ASAP1: variants seen among roughly 807,000 people sequenced by gnomAD.
The protein encoded by ASAP1 is arf-GAP with SH3 domain, ANK repeat and PH domain-containing protein 1.
A neutral mutation model predicts 145.2 loss-of-function variants in ASAP1; 43 were observed. The ratio of observed to expected loss-of-function variants is 0.30; its 90% CI spans 0.23 to 0.38. ASAP1 has a LOEUF of 0.38. ASAP1 is among the 10% of genes least tolerant of loss of function. The pLI is 1.00. For synonymous variants in ASAP1, 546 were observed against 515.5 expected (o/e 1.06, Z -0.80); for missense variants, 1,018 against 1,355.3 (o/e 0.75, Z 3.91).
intron 3 of ASAP1, among the ~76,000 whole-genome samples, chr8:130,337,686 C>T (rs1216191235): frequency 1.4e-4 from 21 of 152,144 alleles, no homozygotes; most frequent in Admixed American, 1.4e-3. Context: ...TTCTCAAAGA[C>T]CTTCTGTAAT....
At chr8:130,387,658 G>GAAA (rs35915232) in intron 2 of ASAP1, among the ~76,000 whole-genome samples, 18 of 107,550 alleles carry the variant, frequency 1.7e-4, no homozygotes, top group South Asian at 2.6e-4. Flanking sequence ...CTCCATCTCA[G>GAAA]AAAAAAAAAA....
At chr8:130,341,024 T>C in intron 3 of ASAP1, 1 of 408,764 alleles carries the variant, frequency 2.4e-6, no homozygotes, top group Non-Finnish European at 4.8e-6. Context: ...TTTTAGAGTG[T>C]TTTTTAACCG....
intron 2 of ASAP1, among the ~76,000 whole-genome samples, chr8:130,364,065 T>C (rs1826837602): frequency 6.6e-6 from 1 of 151,752 alleles, no homozygotes; most frequent in South Asian, 2.1e-4. Flanking sequence ...ATAATAATAA[T>C]TAAAAAAAGC....
At chr8:130,156,847 G>T (rs1470891446) in intron 12 of ASAP1, among the ~76,000 whole-genome samples, 1 of 152,162 alleles carries the variant, frequency 6.6e-6, no homozygotes, top group Non-Finnish European at 1.5e-5. Flanking sequence ...ACACTTTAGG[G>T]TTTGAACTAT....
In ASAP1 at chr8:130,106,556, C is replaced by CTATCACACCTGTGG. The variant is rs1554823713; in HGVS notation, c.2401+5524_2401+5537dup. ...ATTTATTAGATTTTCAGCAAGTCAACTATCACACCTGTGGACATCTGGTTT... is the reference window on the plus strand; with the variant it reads ...ATTTATTAGATTTTCAGCAAGTCAACTATCACACCTGTGGTATCACACCTGTGGACATCTGGTTT... On this transcript the variant is annotated intron_variant, in intron 24 of 29. Coordinates refer to ENST00000518721, the MANE Select transcript of ASAP1 (RefSeq NM_018482.4). Among the ~76,000 whole-genome samples the CTATCACACCTGTGG allele has an allele frequency of 2.0e-5, 3 of 152,372 alleles. No individual in the cohort carries two copies. In the East Asian group the frequency reaches 5.8e-4, roughly 29 times the overall value.
chr8:130,154,957 C>T (rs1044518310), intron 12 of ASAP1, among the ~76,000 whole-genome samples: 7 of 152,170 alleles, frequency 4.6e-5, no homozygotes, highest in South Asian at 2.1e-4. Flanking sequence ...ATTTGGTTAA[C>T]GTGACTAACT....
chr8:130,061,128 T>A, intron 27 of ASAP1, 59 bp from the exon 28 acceptor site: 2 of 1,514,682 alleles, frequency 1.3e-6, no homozygotes, highest in Admixed American at 4.6e-5. Context: ...TTCCTGTCAG[T>A]CACCTAAAAG....
chr8:130,099,012 CTTT>C (rs61047760), intron 24 of ASAP1, among the ~76,000 whole-genome samples: 2 of 116,068 alleles, frequency 1.7e-5, no homozygotes. Context: ...CTAATATAAG[CTTT>C]TTTTTTTTTT....
At chr8:130,233,158 T>C (rs1458545703) in intron 4 of ASAP1, among the ~76,000 whole-genome samples, 1 of 152,216 alleles carries the variant, frequency 6.6e-6, no homozygotes, top group Non-Finnish European at 1.5e-5. Context: ...TTCTGAGACA[T>C]GACCATGGAA....
chr8:130,280,432 C>T (rs1055339467), intron 3 of ASAP1, among the ~76,000 whole-genome samples: 4 of 152,242 alleles, frequency 2.6e-5, no homozygotes, highest in Admixed American at 1.3e-4. Context: ...ACAACTAGTC[C>T]TCACAAATCA....
At chr8:130,143,583 A>T (rs1355198939) in intron 13 of ASAP1, among the ~76,000 whole-genome samples, 1 of 152,212 alleles carries the variant, frequency 6.6e-6, no homozygotes, top group Non-Finnish European at 1.5e-5. Context: ...TGTTTCAATC[A>T]GGGAAGCTCT....
chr8:130,127,082 T>C (rs1394382454), intron 16 of ASAP1, among the ~76,000 whole-genome samples: 1 of 152,150 alleles, frequency 6.6e-6, no homozygotes, highest in African/African-American at 2.4e-5. Context: ...GCCAATACAC[T>C]GGTAATATAG....
chr8:130,207,799 C>A (rs1221754168), intron 5 of ASAP1, among the ~76,000 whole-genome samples: 1 of 152,184 alleles, frequency 6.6e-6, no homozygotes, highest in African/African-American at 2.4e-5. Flanking sequence ...ATCATGACAA[C>A]TAGACTCACT....
At chr8:130,206,680 A>AT (rs1330720609) in intron 5 of ASAP1, among the ~76,000 whole-genome samples, 1 of 152,210 alleles carries the variant, frequency 6.6e-6, no homozygotes, top group Non-Finnish European at 1.5e-5. Flanking sequence ...GCTGACCTAG[A>AT]ATACTTCCGG....
chr8:130,133,334 G>A (rs2097586075), intron 15 of ASAP1, among the ~76,000 whole-genome samples: 1 of 152,196 alleles, frequency 6.6e-6, no homozygotes, highest in African/African-American at 2.4e-5. Flanking sequence ...ACTATCTAAG[G>A]TTGCATACCT....
chr8:130,152,637 C>CGA (rs2097649006), intron 13 of ASAP1, 99 bp downstream of exon 13: 1 of 765,104 alleles, frequency 1.3e-6, no homozygotes, highest in South Asian at 2.5e-5. Context: ...TGATCTGACC[C>CGA]AAATGCATAA....
rs10678909 is a variant in ASAP1, at chr8:130,276,728, ACTCTCTCTCTCT to A, written c.187-39746_187-39735del. On this transcript the variant is annotated intron_variant, in intron 3 of 29. Coordinates refer to ENST00000518721, the MANE Select transcript of ASAP1 (RefSeq NM_018482.4). ...CACACACACACACACACACACACACACTCTCTCTCTCTCTCTCTCTCTCTCTCTCTCTCCTCT... is the reference window on the plus strand; with the variant it reads ...CACACACACACACACACACACACACACTCTCTCTCTCTCTCTCTCTCCTCT... Among the ~76,000 whole-genome samples the A allele has an allele frequency of 1.9e-3, 162 of 87,312 alleles. No homozygotes were observed. In the Middle Eastern group the frequency reaches 0.026, roughly 14 times the overall value. The allele number at this position is 87,312 out of a possible 152,430, so 57.3% of individuals were successfully genotyped here.
At chr8:130,278,355 A>G (rs1240427213) in intron 3 of ASAP1, among the ~76,000 whole-genome samples, 3 of 152,156 alleles carry the variant, frequency 2.0e-5, no homozygotes, top group Non-Finnish European at 4.4e-5. Context: ...TGGCAGGTTA[A>G]GTCCACCACT....
intron 1 of ASAP1, among the ~76,000 whole-genome samples, chr8:130,417,522 T>G (rs889704646): frequency 1.3e-4 from 19 of 151,944 alleles, no homozygotes; most frequent in African/African-American, 4.4e-4. Context: ...TCAGAGATTG[T>G]TGTGAAAAGG....
Sources: allele counts gnomAD v4.1 joint callset (sites outside exome capture counted in the v4.1 genomes callset), GRCh38; gene constraint gnomAD v4.1.1; transcripts MANE v1.5; gene names NCBI Gene and HGNC (gene_info 2026-07-23, HGNC 2026-07-21).